The following ALDH5A1 variants were observed in gnomAD, a reference collection of about 807,000 sequenced individuals.
The protein encoded by ALDH5A1 is aldehyde dehydrogenase 5 family member A1, also known as succinate-semialdehyde dehydrogenase, mitochondrial.
Under a neutral mutation model 54.7 loss-of-function variants are expected in ALDH5A1, and 33 were observed. That is an observed-to-expected ratio of 0.60 (90% CI 0.46 to 0.81). The LOEUF is 0.81. ALDH5A1 is among the 30% of genes least tolerant of loss of function. The pLI is 0.00. For missense variants in ALDH5A1, 657 were observed against 711.0 expected, an observed-to-expected ratio of 0.92 and a Z score of 0.86; for synonymous variants, 294 against 292.7, an observed-to-expected ratio of 1.00 and a Z score of -0.05.
chr6:24,510,438 T>G (rs1195315109), intron 4 of ALDH5A1, among the ~76,000 whole-genome samples: 1 of 152,236 alleles, frequency 6.6e-6, no homozygotes, highest in Non-Finnish European at 1.5e-5. Context: ...GCTGTCTATC[T>G]CATTTCTTAG....
chr6:24,527,313 C>G (rs1759833583), intron 7 of ALDH5A1, among the ~76,000 whole-genome samples: 1 of 152,088 alleles, frequency 6.6e-6, no homozygotes, highest in African/African-American at 2.4e-5. Flanking sequence ...GTGGCTCACT[C>G]CTGTAATCCC....
chr6:24,495,192 G>A lies in ALDH5A1; in HGVS notation c.196G>A (p.Gly66Ser). 1.3e-6 allele frequency: 2 copies of A among 1,504,336 alleles called. No individual in the cohort carries two copies. The highest frequency in any genetic ancestry group is 1.8e-6 in the Non-Finnish European group (2 of 1,134,356). 93.2% of individuals were successfully genotyped at this position (1,504,336 alleles called of 1,614,324 possible). The change falls in exon 1 of 10, where the codon GGC (glycine) becomes AGC (serine). Residue 66 changes from glycine to serine, a missense_variant. By Grantham distance (56) the Gly-to-Ser change is moderately conservative. Around this residue, in one of 2 missense-constraint regions of ALDH5A1, gnomAD observed 232 missense variants for 194.6 expected, o/e 1.19. Coordinates refer to ENST00000357578, the MANE Select transcript of ALDH5A1 (RefSeq NM_001080.3). ...GCTGCTGCGCACCGACAGCTTCGTG[G>A]GCGGCCGCTGGCTCCCGGCCGCCGC... ...AALLRTDSFV[G>S]GRWLPAAATF...
At chr6:24,531,803 C>G (rs1001245510) in intron 8 of ALDH5A1, among the ~76,000 whole-genome samples, 1 of 152,156 alleles carries the variant, frequency 6.6e-6, no homozygotes, top group East Asian at 1.9e-4. Context: ...CCAGTGGGTA[C>G]CAAGAATAGT....
chr6:24,498,070 A>G (rs939622387), intron 1 of ALDH5A1, among the ~76,000 whole-genome samples: 2 of 152,190 alleles, frequency 1.3e-5, no homozygotes, highest in Admixed American at 1.3e-4. Context: ...ATCATTATAT[A>G]GAAAGTAGGT....
intron 5 of ALDH5A1, among the ~76,000 whole-genome samples, chr6:24,516,762 CA>C (rs1236353184): frequency 3.0e-4 from 43 of 143,926 alleles, no homozygotes; most frequent in Non-Finnish European, 4.0e-4. Flanking sequence ...CCTGTCTCTA[CA>C]AAAAAAAAAA....
At chr6:24,505,598 C>T (rs1019355388) in intron 4 of ALDH5A1, among the ~76,000 whole-genome samples, 1 of 152,154 alleles carries the variant, frequency 6.6e-6, no homozygotes, top group Non-Finnish European at 1.5e-5. Context: ...CCCCCAGATA[C>T]CCCTATAACT....
At chr6:24,527,867 A>C (rs1372230153) in intron 7 of ALDH5A1, 130 bp from the exon 8 acceptor site, 49 of 944,586 alleles carry the variant, frequency 5.2e-5, no homozygotes, top group Admixed American at 3.9e-4. Flanking sequence ...AAAGGAAACC[A>C]GCATGCTTTA....
In ALDH5A1 at chr6:24,503,258, T is replaced by G; in HGVS notation, c.439-5T>G. 6.2e-7 allele frequency: 1 copy of G among 1,613,586 alleles called. No individual in the cohort carries two copies. The highest frequency in any genetic ancestry group is 1.1e-5 in the South Asian group (1 of 91,066). ...ATACGTGGGTTCTTTTCTGATTTAA[T>G]TTAGGGAAAGCCACTGAAGGAGGCA... On this transcript the variant is annotated splice_region_variant and splice_polypyrimidine_tract_variant and intron_variant, in intron 2 of 9. Transcript: ENST00000357578.
intron 8 of ALDH5A1, 118 bp downstream of exon 8, chr6:24,528,284 G>A: frequency 8.7e-7 from 1 of 1,147,540 alleles, no homozygotes; most frequent in Non-Finnish European, 1.3e-6. Context: ...GTTGTGTTGA[G>A]TCCATTGAAG....
chr6:24,503,485 G>C, intron 3 of ALDH5A1, 52 bp downstream of exon 3: 5 of 1,593,528 alleles, frequency 3.1e-6, no homozygotes, highest in Non-Finnish European at 4.3e-6. Flanking sequence ...ATAGGGAGTT[G>C]GGAAACAATT....
rs1252586336 is a variant in ALDH5A1 at position 24,536,898 on chromosome 6, A to C, written c.*3186A>C. 6.6e-6 allele frequency: 1 copy of C among 152,670 alleles called. No homozygotes were observed. Among genetic ancestry groups the C allele is most frequent in the African/African-American group, 2.4e-5 (1 of 41,472 alleles). 9.5% of individuals were successfully genotyped at this position (152,670 alleles called of 1,614,324 possible). A position where few individuals can be genotyped will look rare whatever the true frequency, so the allele number is the denominator to read the frequency against. On this transcript the variant is annotated 3_prime_UTR_variant, in exon 10 of 10. Coordinates refer to ENST00000357578, the MANE Select transcript of ALDH5A1 (RefSeq NM_001080.3). ...GCAAATCTGTTTTACTGTTAACTTC[A>C]ATTATGAACTTGAAATTGTGCCACA... is the stretch of plus-strand genomic sequence containing the variant.
intron 8 of ALDH5A1, among the ~76,000 whole-genome samples, chr6:24,529,057 C>T (rs1051663775): frequency 1.3e-5 from 2 of 152,088 alleles, no homozygotes; most frequent in African/African-American, 4.8e-5. Flanking sequence ...CTTTCTGTGT[C>T]GTTTTGTGGT....
Position 24,518,852 on chromosome 6 carries a change from C to T in ALDH5A1, c.871-1549C>T, listed in dbSNP as rs983119218. ...AGAGCCACCTTGGGCTTGCGAACACCGTCTGTTTCACTCGAACTATCTCAA... is the reference window on the plus strand; with the variant it reads ...AGAGCCACCTTGGGCTTGCGAACACTGTCTGTTTCACTCGAACTATCTCAA... On this transcript the variant is annotated intron_variant, in intron 5 of 9. Transcript: ENST00000357578. This position sits in a 1 kb window ranked among gnomAD's most constrained non-coding sequence, Gnocchi z 4.2. Among the ~76,000 whole-genome samples the T allele has an allele frequency of 2.0e-5, 3 of 152,276 alleles. No individual in the cohort carries two copies. The highest frequency in any genetic ancestry group is 2.1e-4 in the South Asian group (1 of 4,826).
rs192526187 is a variant in ALDH5A1, at chr6:24,531,563, A to G, written c.1344-556A>G. Among the ~76,000 whole-genome samples, 24 of 152,356 alleles carry G rather than the reference A, an allele frequency of 1.6e-4. No homozygotes were observed. In the East Asian group the frequency reaches 3.3e-3, roughly 21 times the overall value. ...GCCCCAGTTACAATTCTGGAACAAC[A>G]GAAAAATATCACTGACATCTTATTC... is the stretch of plus-strand genomic sequence containing the variant. On this transcript the variant is annotated intron_variant, in intron 8 of 9. Coordinates refer to ENST00000357578, the MANE Select transcript of ALDH5A1 (RefSeq NM_001080.3).
chr6:24,501,947 A>G (rs1764830052), intron 1 of ALDH5A1, among the ~76,000 whole-genome samples: 1 of 149,606 alleles, frequency 6.7e-6, no homozygotes, highest in Non-Finnish European at 1.5e-5. Context: ...GTGTATATAT[A>G]TATGTGTATG....
rs139424793 is a variant in ALDH5A1, at chr6:24,498,715, G to A, written c.354+3365G>A. On this transcript the variant is annotated intron_variant, in intron 1 of 9. Transcript: ENST00000357578. ...ACGGTGGCTAACGCCTGTAATCCCA[G>A]CACTTTGGGAGGCCAAGGCGAGTGG... 9.2e-5 allele frequency among the ~76,000 whole-genome samples: 14 copies of A among 152,326 alleles called. No individual in the cohort carries two copies. The East Asian group carries it at 2.3e-3, about 25-fold the overall frequency.
At chr6:24,521,903 G>A (rs1759691481) in intron 6 of ALDH5A1, among the ~76,000 whole-genome samples, 1 of 124,276 alleles carries the variant, frequency 8.0e-6, no homozygotes, top group African/African-American at 3.2e-5. Context: ...GTCTCACTCT[G>A]TTGCCCAGGC....
intron 8 of ALDH5A1, among the ~76,000 whole-genome samples, chr6:24,529,497 C>G (rs1263536943): frequency 6.6e-6 from 1 of 151,962 alleles, no homozygotes; most frequent in Non-Finnish European, 1.5e-5. Flanking sequence ...GGGTTATTGC[C>G]AAGAAATCTG....
intron 4 of ALDH5A1, 133 bp downstream of exon 4, chr6:24,505,118 C>G: frequency 1.1e-6 from 1 of 939,690 alleles, no homozygotes; most frequent in South Asian, 1.3e-5. Flanking sequence ...GTGTATTAAT[C>G]TACTGGTGAT....
Sources: gnomAD v4.1 joint callset for allele counts (sites outside exome capture counted in the v4.1 genomes callset) on GRCh38, gnomAD v4.1.1 for gene constraint, gnomAD v4.1.1 regional missense constraint, Gnocchi (gnomAD v3.1) non-coding constraint, MANE v1.5 for transcripts, NCBI Gene and HGNC (gene_info 2026-07-23, HGNC 2026-07-21) for gene names.